Variants in PRSS54 observed in about 807,000 individuals in gnomAD.
PRSS54 encodes inactive serine protease 54.
PRSS54 carries 16 observed loss-of-function variants against 19.9 expected under a neutral mutation model. The ratio of observed to expected loss-of-function variants is 0.80; its 90% confidence interval spans 0.54 to 1.22. PRSS54 has a LOEUF of 1.22. PRSS54 is among the 50% of genes most tolerant of loss of function. The pLI, the probability that PRSS54 is intolerant of heterozygous loss-of-function variation, is 0.00. For synonymous variants in PRSS54, 177 were observed against 195.8 expected, an observed-to-expected ratio of 0.90 and a Z score of 0.80; for missense variants, 444 against 494.8, an observed-to-expected ratio of 0.90 and a Z score of 0.97.
At chr16:58,287,226 ATAGT>A (rs1249880816) in intron 4 of PRSS54, among the ~76,000 whole-genome samples, 2 of 152,216 alleles carry the variant, frequency 1.3e-5, no homozygotes, top group Non-Finnish European at 2.9e-5. Context: ...CACTATCTCT[ATAGT>A]TTGGAGTAGT....
intron 3 of PRSS54, 65 bp downstream of exon 3, chr16:58,293,667 C>T (rs548814943): frequency 4.5e-6 from 7 of 1,558,700 alleles, no homozygotes; most frequent in Non-Finnish European, 4.3e-6. Flanking sequence ...CTTCATCTTC[C>T]CGGATGATCC....
intron 1 of PRSS54, among the ~76,000 whole-genome samples, chr16:58,294,645 G>T (rs1479874471): frequency 6.6e-6 from 1 of 152,206 alleles, no homozygotes; most frequent in Non-Finnish European, 1.5e-5. Flanking sequence ...CTCCCAAAGT[G>T]CTGGGATTAC....
intron 6 of PRSS54, chr16:58,283,531 A>AT (rs1267942287): frequency 6.6e-6 from 1 of 152,108 alleles, no homozygotes; most frequent in Non-Finnish European, 1.5e-5. Flanking sequence ...AACGGGCAGC[A>AT]TTTTTTTCTT....
chr16:58,286,497 T>G (rs1596903327), intron 4 of PRSS54, among the ~76,000 whole-genome samples: 1 of 5,858 alleles, frequency 1.7e-4, no homozygotes, highest in East Asian at 0.013. Context: ...CTATGAATAG[T>G]TTTTTTTTTT....
intron 6 of PRSS54, chr16:58,283,333 T>G (rs1964830896): frequency 6.6e-6 from 1 of 152,230 alleles, no homozygotes; most frequent in African/African-American, 2.4e-5. Context: ...CATAATTCTG[T>G]TCAAAAATGA....
intron 4 of PRSS54, 103 bp from the exon 5 acceptor site, chr16:58,286,298 G>T: frequency 8.2e-7 from 1 of 1,217,220 alleles, no homozygotes; most frequent in Non-Finnish European, 1.2e-6. Flanking sequence ...CACTCATCCA[G>T]CTCATATTTC....
At chr16:58,290,722 T>C (rs1191593943) in intron 4 of PRSS54, among the ~76,000 whole-genome samples, 1 of 152,202 alleles carries the variant, frequency 6.6e-6, no homozygotes, top group Non-Finnish European at 1.5e-5. Flanking sequence ...CCCACCTGCA[T>C]TGAATGGAGG....
chr16:58,283,270 T>C (rs1199303289), intron 6 of PRSS54: 1 of 152,186 alleles, frequency 6.6e-6, no homozygotes. Flanking sequence ...TGAGAACATA[T>C]TTCCAAGACA....
intron 3 of PRSS54, among the ~76,000 whole-genome samples, chr16:58,291,719 G>A (rs72786177): frequency 0.089 from 13,575 of 152,156 alleles, 722 homozygotes; most frequent in Admixed American, 0.12. Flanking sequence ...CCTAGCTCAA[G>A]AGATCCTCCC....
At chr16:58,293,378 C>G (rs1172439302) in intron 3 of PRSS54, among the ~76,000 whole-genome samples, 1 of 152,146 alleles carries the variant, frequency 6.6e-6, no homozygotes, top group Non-Finnish European at 1.5e-5. Context: ...GGGACCAGCC[C>G]TGCAGTTGGG....
intron 6 of PRSS54, chr16:58,283,181 C>T (rs1459190204): frequency 6.6e-6 from 1 of 152,188 alleles, no homozygotes; most frequent in Non-Finnish European, 1.5e-5. Flanking sequence ...TGTTGGGTTT[C>T]AGGGAAACCC....
In PRSS54 at chr16:58,293,769, C is replaced by A. The variant is rs750850763; in HGVS notation, c.48G>T (p.Val16=). 3 of 1,613,410 alleles carry A rather than the reference C, an allele frequency of 1.9e-6. 1 individual carries two copies. In the South Asian group the frequency reaches 3.3e-5, roughly 18 times the overall value. The change falls in exon 3 of 7, where the codon GTG becomes GTT. Residue 16 remains valine, a synonymous_variant. Coordinates refer to ENST00000567164, the MANE Select transcript of PRSS54 (RefSeq NM_001305173.2). The part of the protein sequence containing the change: ...GLSGDGKMRG[V]LLVLLGLLYS... ...AGAGAAGGCCGAGCAGCACCAGGAG[C>A]ACCCCTCGCATCTTGCCATCCCCAG...
chr16:58,285,943 T>A lies in PRSS54; in HGVS notation c.516A>T (p.Thr172=). ...QNCWVSGWNP[T]SATGNHMTMS... is the part of the protein sequence containing the mutation. ...GGAGGAGGAATGCCTTAACTGCAGA[T>A]GTGGGATTCCATCCTGACACCCAGC... The change falls in exon 5 of 7, where the codon ACA becomes ACT. Residue 172 remains threonine (T), a synonymous_variant. Coordinates refer to ENST00000567164, the MANE Select transcript of PRSS54 (RefSeq NM_001305173.2). 2 of 1,614,114 alleles carry A rather than the reference T, an allele frequency of 1.2e-6. No individual in the cohort carries two copies. Among genetic ancestry groups the A allele is most frequent in the African/African-American group, 1.3e-5 (1 of 75,040 alleles).
At chr16:58,288,617 C>A (rs1262031985) in intron 4 of PRSS54, among the ~76,000 whole-genome samples, 1 of 152,090 alleles carries the variant, frequency 6.6e-6, no homozygotes, top group Non-Finnish European at 1.5e-5. Context: ...GCATGTCTTT[C>A]TTAGCCCAGT....
At chr16:58,294,625 C>T (rs1352364473) in intron 1 of PRSS54, among the ~76,000 whole-genome samples, 2 of 152,148 alleles carry the variant, frequency 1.3e-5, no homozygotes, top group African/African-American at 4.8e-5. Flanking sequence ...GGTGATCCAC[C>T]CGCCTCAGTC....
rs1170714620 is a variant in PRSS54 at position 58,294,982 on chromosome 16, G to C, written c.-327C>G. 1 of 152,742 alleles carries C rather than the reference G, an allele frequency of 6.5e-6. No homozygotes were observed. Among genetic ancestry groups the C allele is most frequent in the Non-Finnish European group, 1.5e-5 (1 of 68,118 alleles). 9.5% of individuals were successfully genotyped at this position (152,742 alleles called of 1,614,324 possible). A position where few individuals can be genotyped will look rare whatever the true frequency, so the allele number is the denominator to read the frequency against. On this transcript the variant is annotated 5_prime_UTR_variant, in exon 1 of 7. Coordinates refer to ENST00000567164, the MANE Select transcript of PRSS54 (RefSeq NM_001305173.2). ...CCTGCTCAAGGAGAAATGAACTCAGGCTGGCCTGACACAGTAGAGTTCAAC... is the reference window on the plus strand; with the variant it reads ...CCTGCTCAAGGAGAAATGAACTCAGCCTGGCCTGACACAGTAGAGTTCAAC...
chr16:58,281,018 C>A, intron 6 of PRSS54: 1 of 458,054 alleles, frequency 2.2e-6, no homozygotes, highest in Non-Finnish European at 3.9e-6. Flanking sequence ...CATTTTCTTG[C>A]CCCTTTCCAG....
At chr16:58,294,581 C>T (rs1275987150) in intron 1 of PRSS54, among the ~76,000 whole-genome samples, 2 of 152,048 alleles carry the variant, frequency 1.3e-5, no homozygotes, top group African/African-American at 2.4e-5. Flanking sequence ...GGTTTCGTCA[C>T]GTTGGCCAGG....
chr16:58,281,766 ACGAG>A (rs1407194655), intron 6 of PRSS54: 1 of 152,608 alleles, frequency 6.6e-6, no homozygotes, highest in East Asian at 1.9e-4. Context: ...AGACTGAACC[ACGAG>A]CAGCAGAAAG....
Sources: allele counts gnomAD v4.1 joint callset (sites outside exome capture counted in the v4.1 genomes callset), GRCh38; gene constraint gnomAD v4.1.1; transcripts MANE v1.5; gene names NCBI Gene and HGNC (gene_info 2026-07-23, HGNC 2026-07-21).